SART1: variants seen among roughly 807,000 people sequenced by gnomAD.
SART1 encodes the protein spliceosome associated factor 1, recruiter of U4/U6.U5 tri-snRNP, also known as U4/U6.U5 tri-snRNP-associated protein 1.
SART1 carries 28 observed loss-of-function variants against 105.0 expected under a neutral mutation model. The observed-to-expected ratio is 0.27, with a 90% CI of 0.20 to 0.37. The LOEUF is 0.37. Among genes scored for constraint, SART1 ranks in the 10% least tolerant of loss-of-function variants. The probability of loss-of-function intolerance (pLI) is 1.00; values close to 1 mark genes in which losing one functional copy is unlikely to be tolerated. For missense variants in SART1, 894 were observed against 1,106.5 expected (o/e 0.81, Z 2.72); for synonymous variants, 472 against 462.9 (o/e 1.02, Z -0.25).
intron 3 of SART1, 107 bp from the exon 4 acceptor site, chr11:65,964,985 C>T: frequency 7.2e-7 from 1 of 1,398,454 alleles, no homozygotes; most frequent in African/African-American, 1.4e-5. Context: ...CCTTCCTGTC[C>T]TGACCCCTTC....
At chr11:65,972,946 C>T (rs187173913) in intron 12 of SART1, among the ~76,000 whole-genome samples, 13 of 152,040 alleles carry the variant, frequency 8.6e-5, no homozygotes, top group Middle Eastern at 3.2e-3. Context: ...CCAAGGCGGG[C>T]GGATCACGAG....
In SART1 at chr11:65,976,465, A is replaced by G. The variant is rs1590644450; in HGVS notation, c.1643A>G (p.Lys548Arg). ...GWEEDEDPERKGAIVFNATSE... is the reference protein window; with the variant it reads ...GWEEDEDPERRGAIVFNATSE... ...GAGGAGGATGAGGATCCCGAGCGGA[A>G]GGGGGCCATCGTGTTCAACGCCACG... The change falls in exon 13 of 20, where the codon AAG becomes AGG. Residue 548 changes from lysine to arginine, a missense_variant. Lys to Arg is a conservative substitution (Grantham distance 26). Transcript: ENST00000312397. The surrounding 1 kb of genome is among the most constrained non-coding windows in gnomAD (Gnocchi z 5.1). 6.4e-7 allele frequency: 1 copy of G among 1,571,960 alleles called. No homozygotes were observed. Among genetic ancestry groups the G allele is most frequent in the Non-Finnish European group, 8.6e-7 (1 of 1,160,346 alleles).
chr11:65,964,397 G>A, intron 2 of SART1, 118 bp from the exon 3 acceptor site: 1 of 1,244,024 alleles, frequency 8.0e-7, no homozygotes, highest in Non-Finnish European at 1.2e-6. Flanking sequence ...GCTGCCTGGG[G>A]CAGACTTTGT....
chr11:65,973,043 G>A (rs571187336), intron 12 of SART1, among the ~76,000 whole-genome samples: 5 of 152,136 alleles, frequency 3.3e-5, no homozygotes, highest in Non-Finnish European at 7.4e-5. Flanking sequence ...ACGTGGTGGC[G>A]GGCACCTGTA....
Position 65,964,544 on chromosome 11 carries a change from C to T in SART1, c.401C>T (p.Pro134Leu). 6.2e-7 allele frequency: 1 copy of T among 1,612,342 alleles called. No homozygotes were observed. Among genetic ancestry groups the T allele is most frequent in the South Asian group, 1.1e-5 (1 of 90,810 alleles). The stretch of plus-strand genomic sequence containing the variant: ...CTCCGGGCAAAGTTGGGGCTGAAAC[C>T]CTTGGAGGTTAATGCCATCAAGAAG... ...NKLRAKLGLKPLEVNAIKKEA... is the reference protein window; with the variant it reads ...NKLRAKLGLKLLEVNAIKKEA... Residue 134 changes from proline (P) to leucine (L), a missense_variant, in exon 3 of 20, where the codon CCC becomes CTC. Physicochemically the swap from Pro to Leu is moderately conservative, Grantham distance 98. This residue lies in a region of SART1 where 712 missense variants were observed against 778.2 expected (regional missense o/e 0.91). Coordinates refer to ENST00000312397, the MANE Select transcript of SART1 (RefSeq NM_005146.5).
chr11:65,966,140 G>A lies in SART1; in HGVS notation c.903G>A (p.Glu301=), dbSNP rs1295432091. The A allele has an allele frequency of 1.9e-6, 3 of 1,614,040 alleles. No homozygotes were observed. Among genetic ancestry groups the A allele is most frequent in the Admixed American group, 1.7e-5 (1 of 60,028 alleles). Reference sequence around the variant, plus strand: ...ACCTGGTGGATAAGGAGCGGGCAGAGAAAAATGTGGAGCTGCGGAAGAAGA... The same window carrying A: ...ACCTGGTGGATAAGGAGCGGGCAGAAAAAAATGTGGAGCTGCGGAAGAAGA... The part of the protein sequence containing the change: ...NVNLVDKERA[E]KNVELRKKKP... Residue 301 remains glutamate (E), a synonymous_variant, in exon 8 of 20, where the codon GAG becomes GAA. Transcript: ENST00000312397.
rs751916630 is a variant in SART1 at position 65,964,117 on chromosome 11, C to T, written c.357C>T (p.Ser119=). 1 of 1,613,028 alleles carries T rather than the reference C, an allele frequency of 6.2e-7. No individual in the cohort carries two copies. The highest frequency in any genetic ancestry group is 8.5e-7 in the Non-Finnish European group (1 of 1,179,912). ...GCTCAGGCGATGCCTCCTCACTCAG[C>T]ATCGAGGAGACTAAGTGAGTACTGT... ...KTSSGDASSL[S]IEETNKLRAK... is the part of the protein sequence containing the mutation. The change falls in exon 2 of 20, where the codon AGC becomes AGT. Residue 119 remains serine, a synonymous_variant. Coordinates refer to ENST00000312397, the MANE Select transcript of SART1 (RefSeq NM_005146.5).
chr11:65,962,122 G>A, intron 1 of SART1, 29 bp downstream of exon 1: 2 of 1,140,002 alleles, frequency 1.8e-6, no homozygotes, highest in Non-Finnish European at 2.4e-6. Flanking sequence ...CGCAGGGGGC[G>A]GGTCGGGCGG....
chr11:65,973,541 G>C (rs1229545838), intron 12 of SART1, among the ~76,000 whole-genome samples: 1 of 152,192 alleles, frequency 6.6e-6, no homozygotes, highest in Non-Finnish European at 1.5e-5. Flanking sequence ...AAAGGACATG[G>C]AGCGGCCAGA....
chr11:65,965,273 T>C, intron 4 of SART1, 55 bp downstream of exon 4: 1 of 1,606,836 alleles, frequency 6.2e-7, no homozygotes, highest in South Asian at 1.1e-5. Context: ...CCACCATCCT[T>C]GGCTGCCTCT....
In SART1 at chr11:65,961,844, A is replaced by G. The variant is rs1855148483; in HGVS notation, c.64A>G (p.Thr22Ala). Reference sequence around the variant, plus strand: ...GGCCGGGACGACGGCGGCGGCCGGCACCGGGGGTGCCACCGAGCAGCCGCC... The same window carrying G: ...GGCCGGGACGACGGCGGCGGCCGGCGCCGGGGGTGCCACCGAGCAGCCGCC... Reference protein sequence around the residue: ...EAAGTTAAAGTGGATEQPPRH... With the variant: ...EAAGTTAAAGAGGATEQPPRH... Residue 22 changes from threonine to alanine, a missense_variant, in exon 1 of 20, where the codon ACC (threonine) becomes GCC (alanine). Physicochemically the swap from Thr to Ala is moderately conservative, Grantham distance 58. Around this residue, in one of 2 missense-constraint regions of SART1, gnomAD observed 712 missense variants for 778.2 expected, o/e 0.91. Transcript: ENST00000312397. The G allele has an allele frequency of 2.5e-6, 4 of 1,574,886 alleles. No individual in the cohort carries two copies. The African/African-American group carries it at 5.7e-5, about 22-fold the overall frequency.
chr11:65,963,217 A>G (rs1258832104), intron 1 of SART1, among the ~76,000 whole-genome samples: 1 of 152,186 alleles, frequency 6.6e-6, no homozygotes, highest in Non-Finnish European at 1.5e-5. Flanking sequence ...AGTAACCAAA[A>G]AGGCAGGAAA....
chr11:65,963,072 G>T (rs780663568), intron 1 of SART1, among the ~76,000 whole-genome samples: 3 of 152,168 alleles, frequency 2.0e-5, no homozygotes, highest in Non-Finnish European at 4.4e-5. Context: ...TAAAGCCATT[G>T]GGAGTCAGTA....
At chr11:65,971,833 G>A (rs984690883) in intron 12 of SART1, among the ~76,000 whole-genome samples, 5 of 152,056 alleles carry the variant, frequency 3.3e-5, no homozygotes, top group Admixed American at 6.5e-5. Flanking sequence ...GCCTGGAGTC[G>A]TGATGTGGTT....
rs141735982 is a variant in SART1, at chr11:65,976,484, C to T, written c.1662C>T (p.Asn554=). 7.5e-4 allele frequency: 1,181 copies of T among 1,577,904 alleles called. 1 individual carries two copies. Among genetic ancestry groups the T allele is most frequent in the Non-Finnish European group, 9.3e-4 (1,083 of 1,162,294 alleles). The part of the protein sequence containing the change: ...DPERKGAIVF[N]ATSEFCRTLG... Reference sequence around the variant, plus strand: ...AGCGGAAGGGGGCCATCGTGTTCAACGCCACGTCCGAGTTCTGCCGCACCT... The same window carrying T: ...AGCGGAAGGGGGCCATCGTGTTCAATGCCACGTCCGAGTTCTGCCGCACCT... Residue 554 remains asparagine (N), a synonymous_variant, in exon 13 of 20, where the codon AAC becomes AAT. Transcript: ENST00000312397. The surrounding 1 kb of genome is among the most constrained non-coding windows in gnomAD (Gnocchi z 5.1).
At chr11:65,964,325 G>A (rs1394512921) in intron 2 of SART1, 190 bp from the exon 3 acceptor site, 8 of 834,182 alleles carry the variant, frequency 9.6e-6, no homozygotes, top group East Asian at 2.6e-5. Flanking sequence ...CTGGTTAGAC[G>A]CAGACCAGGC....
At chr11:65,977,716 C>T (rs1480292063) in intron 16 of SART1, 48 bp from the exon 17 acceptor site, 3 of 1,613,872 alleles carry the variant, frequency 1.9e-6, no homozygotes, top group South Asian at 1.1e-5. Flanking sequence ...TTCGGGACCA[C>T]AGCAGGCGGC....
In SART1 at chr11:65,980,052, GCA is replaced by G. The variant is rs1855556648; in HGVS notation, c.*1023_*1024del. 1.3e-5 allele frequency among the ~76,000 whole-genome samples: 2 copies of G among 152,120 alleles called. No individual in the cohort carries two copies. The highest frequency in any genetic ancestry group is 2.9e-5 in the Non-Finnish European group (2 of 68,016). Reference sequence around the variant, plus strand: ...CACTTGAACCTGGGAGACACAGGCTGCAGTGGGCCCTGATTGAGCCACCACAC... The same window carrying G: ...CACTTGAACCTGGGAGACACAGGCTGGTGGGCCCTGATTGAGCCACCACAC... On this transcript the variant is annotated 3_prime_UTR_variant, in exon 20 of 20. Coordinates refer to ENST00000312397, the MANE Select transcript of SART1 (RefSeq NM_005146.5).
In SART1 at chr11:65,964,565, A is replaced by G; in HGVS notation, c.422A>G (p.Lys141Arg). The change falls in exon 3 of 20, where the codon AAG becomes AGG. Residue 141 changes from lysine (K) to arginine (R), a missense_variant. Transcript: ENST00000312397. ...GLKPLEVNAI[K>R]KEAGTKEEPV... The stretch of plus-strand genomic sequence containing the variant: ...AAACCCTTGGAGGTTAATGCCATCA[A>G]GAAGGGTGAGTATGGGGCTGAGGAT... The G allele has an allele frequency of 6.2e-7, 1 of 1,610,580 alleles. No individual in the cohort carries two copies. The highest frequency in any genetic ancestry group is 8.5e-7 in the Non-Finnish European group (1 of 1,179,086).
Sources: gnomAD v4.1 joint callset for allele counts (sites outside exome capture counted in the v4.1 genomes callset) on GRCh38, gnomAD v4.1.1 for gene constraint, gnomAD v4.1.1 regional missense constraint, Gnocchi (gnomAD v3.1) non-coding constraint, MANE v1.5 for transcripts, NCBI Gene and HGNC (gene_info 2026-07-23, HGNC 2026-07-21) for gene names.